ZNF273: variants seen among roughly 807,000 people sequenced by gnomAD.
The protein encoded by ZNF273 is zinc finger protein 273.
Under a neutral mutation model 14.9 loss-of-function variants are expected in ZNF273, and 11 were observed. That is an observed-to-expected ratio of 0.74 (90% CI 0.46 to 1.22). ZNF273 has a LOEUF of 1.22. ZNF273 is among the 50% of genes most tolerant of loss of function. The pLI is 0.00. For missense variants in ZNF273, 577 were observed against 660.6 expected, an observed-to-expected ratio of 0.87 and a Z score of 1.39; for synonymous variants, 199 against 223.9, an observed-to-expected ratio of 0.89 and a Z score of 0.99.
At chr7:64,902,322 C>G (rs1792772089), upstream of ZNF273, among the ~76,000 whole-genome samples, 1 of 151,856 alleles carries the variant, frequency 6.6e-6, no homozygotes, top group African/African-American at 2.4e-5. Context: ...GGACCAGAAG[C>G]TAGGAAGGTC....
intron 3 of ZNF273, chr7:64,924,107 ATG>A (rs1347289092): frequency 6.6e-6 from 1 of 151,218 alleles, no homozygotes; most frequent in Non-Finnish European, 1.5e-5. Context: ...ATGCTAAAGA[ATG>A]TGGTTTAATT....
intron 1 of ZNF273, among the ~76,000 whole-genome samples, chr7:64,909,237 T>G (rs1394626184): frequency 1.3e-5 from 2 of 151,498 alleles, no homozygotes; most frequent in Non-Finnish European, 2.9e-5. Flanking sequence ...TTCTTTTTTT[T>G]TTTTTCTGAG....
intron 1 of ZNF273, among the ~76,000 whole-genome samples, chr7:64,906,578 G>A (rs565508614): frequency 1.4e-4 from 22 of 152,236 alleles, no homozygotes; most frequent in African/African-American, 5.1e-4. Flanking sequence ...AGGCTAATAT[G>A]GAGCCTGCAA....
rs751271950 is a variant in ZNF273 at position 64,929,042 on chromosome 7, T to C, written c.*4T>C. Reference sequence around the variant, plus strand: ...TCATATGGGTGAGAAATCCTAGAAATGTGAAGAATGTGACAAAGCCTTTAA... The same window carrying C: ...TCATATGGGTGAGAAATCCTAGAAACGTGAAGAATGTGACAAAGCCTTTAA... On this transcript the variant is annotated 3_prime_UTR_variant, in exon 4 of 4. Transcript: ENST00000476120. 1.3e-6 allele frequency: 2 copies of C among 1,483,186 alleles called. No individual in the cohort carries two copies. Among genetic ancestry groups the C allele is most frequent in the Non-Finnish European group, 1.8e-6 (2 of 1,120,768 alleles). The allele number at this position is 1,483,186 out of a possible 1,614,324, so 91.9% of individuals were successfully genotyped here.
intron 1 of ZNF273, among the ~76,000 whole-genome samples, chr7:64,910,116 T>C (rs1793386221): frequency 1.3e-5 from 2 of 152,204 alleles, no homozygotes; most frequent in Admixed American, 1.3e-4. Flanking sequence ...TCTATTGTTC[T>C]GTAGGTTGTC....
At chr7:64,888,991 G>T, downstream of ZNF273, 1 of 985,780 alleles carries the variant, frequency 1.0e-6, no homozygotes, top group South Asian at 4.7e-5. Context: ...GGTTAATAAG[G>T]GCAAGGGGCC....
At chr7:64,895,310 G>A (rs752009562) in intron 3 of ZNF273, among the ~76,000 whole-genome samples, 6 of 152,120 alleles carry the variant, frequency 3.9e-5, no homozygotes, top group Non-Finnish European at 8.8e-5. Flanking sequence ...ATTGATTGAT[G>A]ATGAGTAAAC....
intron 3 of ZNF273, among the ~76,000 whole-genome samples, chr7:64,925,053 C>T (rs1286811972): frequency 6.6e-6 from 1 of 152,114 alleles, no homozygotes; most frequent in Non-Finnish European, 1.5e-5. Flanking sequence ...TCCACCGCCT[C>T]GGTCTCCCAA....
downstream of ZNF273, among the ~76,000 whole-genome samples, chr7:64,890,321 C>A (rs1204741675): frequency 1.3e-5 from 2 of 151,730 alleles, no homozygotes; most frequent in Admixed American, 1.3e-4. Context: ...AGCATGTGGA[C>A]AGAGTCACAG....
downstream of ZNF273, among the ~76,000 whole-genome samples, chr7:64,883,219 C>G (rs1276343936): frequency 4.8e-5 from 7 of 145,386 alleles, no homozygotes; most frequent in East Asian, 2.2e-4. Flanking sequence ...TCACCACCCC[C>G]CCCTCACCAA....
Position 64,912,846 on chromosome 7 carries a change from T to TTTTTTTTTTTTTG in ZNF273, c.103-4735_103-4734insTTTTTTTTTTTTG, listed in dbSNP as rs1562959220. The stretch of plus-strand genomic sequence containing the variant: ...TTTTAGTTTTTTTTTTTTTTTTTTT[T>TTTTTTTTTTTTTG]GAGATTGAGTTTCGCTCTGTCATCC... On this transcript the variant is annotated intron_variant, in intron 1 of 3. Transcript: ENST00000476120. Among the ~76,000 whole-genome samples the TTTTTTTTTTTTTG allele has an allele frequency of 1.3e-3, 132 of 98,240 alleles. 16 individuals are homozygous for TTTTTTTTTTTTTG. The highest frequency in any genetic ancestry group is 2.7e-3 in the Non-Finnish European group (104 of 39,228). 64.4% of individuals were successfully genotyped at this position (98,240 alleles called of 152,430 possible). A position where few individuals can be genotyped will look rare whatever the true frequency, so the allele number is the denominator to read the frequency against.
chr7:64,879,306 C>G (rs538923151), intron 2 of ZNF273: 1 of 152,272 alleles, frequency 6.6e-6, no homozygotes, highest in South Asian at 2.1e-4. Context: ...GCAGGAAGCT[C>G]CTGGGTGCAC....
chr7:64,918,395 G>T, intron 3 of ZNF273, 103 bp downstream of exon 3: 2 of 1,181,830 alleles, frequency 1.7e-6, no homozygotes, highest in South Asian at 3.0e-5. Context: ...AGGCGCGGTG[G>T]CTCACGTCTG....
chr7:64,911,369 T>G (rs763673641), intron 1 of ZNF273, among the ~76,000 whole-genome samples: 5 of 151,782 alleles, frequency 3.3e-5, no homozygotes, highest in Non-Finnish European at 5.9e-5. Flanking sequence ...GTTCAAGTGA[T>G]TCTCCTGCTC....
chr7:64,924,542 C>CGA (rs1562964342), intron 3 of ZNF273: 1 of 151,962 alleles, frequency 6.6e-6, no homozygotes, highest in Non-Finnish European at 1.5e-5. Flanking sequence ...CACGCGCGCG[C>CGA]GCAAATTTGT....
chr7:64,932,412 T>G (rs1397784497), downstream of ZNF273, among the ~76,000 whole-genome samples: 1 of 152,006 alleles, frequency 6.6e-6, no homozygotes, highest in Non-Finnish European at 1.5e-5. Context: ...CTGGGTTTGA[T>G]TCTCCTGTCA....
intron 1 of ZNF273, among the ~76,000 whole-genome samples, chr7:64,908,222 C>G (rs1457632438): frequency 1.3e-5 from 2 of 152,252 alleles, no homozygotes; most frequent in African/African-American, 4.8e-5. Flanking sequence ...TTACATTGCA[C>G]TATTCTCCAC....
At chr7:64,912,826 G>GTTTTTTGTTGTTTTTTTTTTT in intron 1 of ZNF273, among the ~76,000 whole-genome samples, 1,016 of 36,532 alleles carry the variant, frequency 0.028, 85 homozygotes, top group South Asian at 0.06. Flanking sequence ...ATTCATTTTA[G>GTTTTTTGTTGTTTTTTTTTTT]TTTTTTTTTT....
chr7:64,903,081 A>G (rs1047895622), upstream of ZNF273, among the ~76,000 whole-genome samples: 2 of 152,198 alleles, frequency 1.3e-5, no homozygotes, highest in African/African-American at 2.4e-5. Flanking sequence ...GGAAGCCCTG[A>G]CTGAAAAGCC....
Sources: allele counts gnomAD v4.1 joint callset (sites outside exome capture counted in the v4.1 genomes callset), GRCh38; gene constraint gnomAD v4.1.1; transcripts MANE v1.5; gene names NCBI Gene and HGNC (gene_info 2026-07-23, HGNC 2026-07-21).